The following SMC2 variants were observed in gnomAD, a reference collection of about 807,000 sequenced individuals.
SMC2 encodes structural maintenance of chromosomes 2.
A neutral mutation model predicts 142.6 loss-of-function variants in SMC2; 41 were observed. The ratio of observed to expected loss-of-function variants is 0.29; its 90% CI spans 0.22 to 0.37. The LOEUF (loss-of-function observed/expected upper bound fraction) is 0.37. Among genes scored for constraint, SMC2 ranks in the 10% least tolerant of loss-of-function variants. SMC2 has a pLI of 1.00. For synonymous variants in SMC2, 463 were observed against 457.5 expected, an observed-to-expected ratio of 1.01 and a Z score of -0.15; for missense variants, 1,265 against 1,373.7, an observed-to-expected ratio of 0.92 and a Z score of 1.25.
chr9:104,105,834 C>G (rs1831702181), intron 9 of SMC2, among the ~76,000 whole-genome samples: 1 of 152,168 alleles, frequency 6.6e-6, no homozygotes. Flanking sequence ...GATGTCATAT[C>G]TAACATCTTA....
chr9:104,100,314 C>T (rs1587894695), intron 6 of SMC2, 75 bp from the exon 7 acceptor site: 2 of 1,406,814 alleles, frequency 1.4e-6, no homozygotes, highest in Non-Finnish European at 2.0e-6. Context: ...CCATAGTCAT[C>T]CCTGCTACTT....
chr9:104,113,550 A>ATTTAAAT (rs1832731615), intron 11 of SMC2, 75 bp downstream of exon 11: 1 of 1,198,308 alleles, frequency 8.3e-7, no homozygotes, highest in Non-Finnish European at 1.1e-6. Flanking sequence ...TTAAATAAAG[A>ATTTAAAT]ACGCAAGCAA....
intron 9 of SMC2, among the ~76,000 whole-genome samples, chr9:104,104,552 A>G (rs1352113692): frequency 3.3e-5 from 5 of 151,682 alleles, no homozygotes; most frequent in Non-Finnish European, 7.4e-5. Context: ...GAGCAGATAG[A>G]ACAGTCCTGG....
intron 23 of SMC2, among the ~76,000 whole-genome samples, chr9:104,137,695 G>A (rs1226156875): frequency 1.3e-5 from 2 of 152,086 alleles, no homozygotes; most frequent in Admixed American, 1.3e-4. Context: ...GCTCTAATGA[G>A]CCAACTGGGG....
At chr9:104,129,137 G>A (rs575477813) in intron 20 of SMC2, among the ~76,000 whole-genome samples, 3 of 152,232 alleles carry the variant, frequency 2.0e-5, no homozygotes, top group African/African-American at 7.2e-5. Flanking sequence ...GCTATACAGT[G>A]TCTTGTTTCT....
At chr9:104,132,883 G>C (rs1009880752) in intron 22 of SMC2, among the ~76,000 whole-genome samples, 17 of 150,428 alleles carry the variant, frequency 1.1e-4, no homozygotes, top group Non-Finnish European at 1.5e-4. Flanking sequence ...CGTGGACTTA[G>C]TACAAATCAG....
chr9:104,095,218 G>A, intron 1 of SMC2, 106 bp from the exon 2 acceptor site: 1 of 566,698 alleles, frequency 1.8e-6, no homozygotes, highest in Non-Finnish European at 3.1e-6. Context: ...AGTTTGTCAA[G>A]TGGCTGTTTT....
Position 104,139,738 on chromosome 9 carries a change from A to G in SMC2, c.*423A>G, listed in dbSNP as rs1317845007. 1 of 155,936 alleles carries G rather than the reference A, an allele frequency of 6.4e-6. No individual in the cohort carries two copies. The highest frequency in any genetic ancestry group is 1.4e-5 in the Non-Finnish European group (1 of 70,884). 9.7% of individuals were successfully genotyped at this position (155,936 alleles called of 1,614,324 possible). On this transcript the variant is annotated 3_prime_UTR_variant, in exon 25 of 25. Coordinates refer to ENST00000374793, the MANE Select transcript of SMC2 (RefSeq NM_006444.3). ...TCATTCAGGTAAGGAAGAATTATAA[A>G]TCAGGTAACTGGACCAACAAAGGGA...
chr9:104,124,887 C>T (rs201685052), intron 17 of SMC2, 25 bp from the exon 18 acceptor site: 11 of 1,547,056 alleles, frequency 7.1e-6, no homozygotes, highest in African/African-American at 1.4e-5. Context: ...TTAACTTAGC[C>T]ACATTTGCTT....
intron 13 of SMC2, among the ~76,000 whole-genome samples, chr9:104,115,463 G>A (rs965876915): frequency 5.9e-5 from 9 of 151,704 alleles, no homozygotes; most frequent in South Asian, 2.1e-4. Context: ...GAGTCCTAGC[G>A]ACTCTGGAGG....
rs1835920384 is a variant in SMC2 at position 104,139,917 on chromosome 9, A to G, written c.*602A>G. On this transcript the variant is annotated 3_prime_UTR_variant, in exon 25 of 25. Coordinates refer to ENST00000374793, the MANE Select transcript of SMC2 (RefSeq NM_006444.3). ...TGAATATCATGTTCCTATACGCTTAATAATTGGTCTCTACGTTTTAATGAT... is the reference window on the plus strand; with the variant it reads ...TGAATATCATGTTCCTATACGCTTAGTAATTGGTCTCTACGTTTTAATGAT... 6.6e-6 allele frequency: 1 copy of G among 151,728 alleles called. No individual in the cohort carries two copies. The highest frequency in any genetic ancestry group is 2.1e-4 in the South Asian group (1 of 4,830). 9.4% of individuals were successfully genotyped at this position (151,728 alleles called of 1,614,324 possible).
chr9:104,114,034 A>G lies in SMC2; in HGVS notation c.1485A>G (p.Thr495=), dbSNP rs766618075. The G allele has an allele frequency of 1.1e-5, 17 of 1,601,584 alleles. No homozygotes were observed. Among genetic ancestry groups the G allele is most frequent in the Admixed American group, 7.1e-5 (4 of 56,208 alleles). ...GTGATATTGGTAGATTGAAAGAAACATATGAAGCTCTATTAGCCAGATTTC... is the reference window on the plus strand; with the variant it reads ...GTGATATTGGTAGATTGAAAGAAACGTATGAAGCTCTATTAGCCAGATTTC... ...LSRDIGRLKE[T]YEALLARFPN... The change falls in exon 12 of 25, where the codon ACA becomes ACG. Residue 495 remains threonine (T), a synonymous_variant. Coordinates refer to ENST00000374793, the MANE Select transcript of SMC2 (RefSeq NM_006444.3).
Position 104,098,459 on chromosome 9 carries a change from G to A in SMC2, c.332G>A (p.Gly111Asp). Residue 111 changes from glycine (G) to aspartate (D), a missense_variant, in exon 4 of 25, where the codon GGT becomes GAT. Gly to Asp is a moderately conservative substitution (Grantham distance 94). Around this residue, in one of 4 missense-constraint regions of SMC2, gnomAD observed 168 missense variants for 184.8 expected, o/e 0.91. Transcript: ENST00000374793. ...ITVTRQVVIGGRNKYLINGVN... is the reference protein window; with the variant it reads ...ITVTRQVVIGDRNKYLINGVN... Reference sequence around the variant, plus strand: ...TTTCTTTTATAGGTGGTTATTGGTGGTAGAAATAAATATTTAATCAATGGA... The same window carrying A: ...TTTCTTTTATAGGTGGTTATTGGTGATAGAAATAAATATTTAATCAATGGA... 6.3e-7 allele frequency: 1 copy of A among 1,590,230 alleles called. No individual in the cohort carries two copies. The highest frequency in any genetic ancestry group is 1.2e-5 in the South Asian group (1 of 86,028).
chr9:104,094,035 G>GGGGCT (rs1431387904), upstream of SMC2, among the ~76,000 whole-genome samples: 1 of 152,198 alleles, frequency 6.6e-6, no homozygotes, highest in Non-Finnish European at 1.5e-5. Context: ...GAGGCGGGGC[G>GGGGCT]GGGCTGGCGA....
At chr9:104,096,329 AGAC>A (rs763859823) in intron 3 of SMC2, 32 bp downstream of exon 3, 1 of 1,607,060 alleles carries the variant, frequency 6.2e-7, no homozygotes, top group Non-Finnish European at 8.5e-7. Flanking sequence ...GGGTATCTTA[AGAC>A]CTTTTATGTC....
rs566495846 is a variant in SMC2 at position 104,139,352 on chromosome 9, T to A, written c.*37T>A. On this transcript the variant is annotated 3_prime_UTR_variant, in exon 25 of 25. Coordinates refer to ENST00000374793, the MANE Select transcript of SMC2 (RefSeq NM_006444.3). ...ATTTCTTCATCTTGACCTGTTTTTT[T>A]AAATGTAAACTTTTAAGGACTTGAG... 1.5e-5 allele frequency: 23 copies of A among 1,526,698 alleles called. No individual in the cohort carries two copies. The East Asian group carries it at 2.1e-4, about 14-fold the overall frequency. 94.6% of individuals were successfully genotyped at this position (1,526,698 alleles called of 1,614,324 possible).
At chr9:104,119,997 G>A in intron 15 of SMC2, 30 bp from the exon 16 acceptor site, 1 of 1,611,604 alleles carries the variant, frequency 6.2e-7, no homozygotes, top group African/African-American at 1.3e-5. Flanking sequence ...GTAACAATGT[G>A]GAAGACCTGT....
At chr9:104,101,826 C>T (rs1046358148) in intron 7 of SMC2, 134 bp from the exon 8 acceptor site, 1 of 568,934 alleles carries the variant, frequency 1.8e-6, no homozygotes, top group Non-Finnish European at 3.0e-6. Context: ...AAGTTTCCTA[C>T]AATTTAAAAT....
At chr9:104,111,982 G>GTTGA (rs1041993054) in intron 10 of SMC2, among the ~76,000 whole-genome samples, 168 bp downstream of exon 10, 2 of 152,196 alleles carry the variant, frequency 1.3e-5, no homozygotes, top group African/African-American at 2.4e-5. Flanking sequence ...ATTCAAATAT[G>GTTGA]TTGATTGCTA....
Sources: allele counts gnomAD v4.1 joint callset (sites outside exome capture counted in the v4.1 genomes callset), GRCh38; gene constraint gnomAD v4.1.1; regional missense constraint gnomAD v4.1.1; transcripts MANE v1.5; gene names NCBI Gene and HGNC (gene_info 2026-07-23, HGNC 2026-07-21).